The following PAFAH2 variants were observed in gnomAD, a reference collection of about 807,000 sequenced individuals.
The protein encoded by PAFAH2 is platelet-activating factor acetylhydrolase 2, cytoplasmic.
Under a neutral mutation model 49.0 loss-of-function variants are expected in PAFAH2, and 42 were observed. That is an observed-to-expected ratio of 0.86 (90% confidence interval 0.67 to 1.11). The LOEUF (loss-of-function observed/expected upper bound fraction) is 1.11. Ranked by LOEUF, PAFAH2 falls within the 50% of genes least tolerant of loss-of-function variation. The pLI is 0.00. For missense variants in PAFAH2, 503 were observed against 501.8 expected (o/e 1.00, Z -0.02); for synonymous variants, 184 against 181.3 (o/e 1.01, Z -0.12).
At chr1:25,983,616 T>C (rs1047962054) in intron 6 of PAFAH2, among the ~76,000 whole-genome samples, 1 of 150,992 alleles carries the variant, frequency 6.6e-6, no homozygotes, top group African/African-American at 2.4e-5. Context: ...AGTTTGAAGA[T>C]GAGACCCACC....
chr1:25,985,376 T>C (rs1285176010), intron 4 of PAFAH2, among the ~76,000 whole-genome samples: 3 of 152,196 alleles, frequency 2.0e-5, no homozygotes, highest in Non-Finnish European at 4.4e-5. Flanking sequence ...CCATGACCCA[T>C]GGGAAGGATT....
chr1:25,979,251 G>A (rs2049642484), intron 7 of PAFAH2, among the ~76,000 whole-genome samples: 1 of 151,404 alleles, frequency 6.6e-6, no homozygotes, highest in African/African-American at 2.4e-5. Context: ...TTAATATGCT[G>A]TATTTTCCCC....
intron 10 of PAFAH2, chr1:25,964,296 T>C (rs1030291938): frequency 6.6e-6 from 1 of 152,368 alleles, no homozygotes; most frequent in Non-Finnish European, 1.5e-5. Context: ...GCTTTCCATA[T>C]TTTTAAAGAG....
At chr1:25,996,091 C>A (rs1309662454) in intron 1 of PAFAH2, among the ~76,000 whole-genome samples, 1 of 152,118 alleles carries the variant, frequency 6.6e-6, no homozygotes, top group Non-Finnish European at 1.5e-5. Flanking sequence ...CGCAGTGGCT[C>A]ATGCCTATAA....
rs1436695251 is a variant in PAFAH2, at chr1:25,960,068, A to G, written c.*1921T>C. The G allele has an allele frequency of 6.6e-6, 1 of 152,182 alleles. No individual in the cohort carries two copies. The highest frequency in any genetic ancestry group is 2.4e-5 in the African/African-American group (1 of 41,450). 9.4% of individuals were successfully genotyped at this position (152,182 alleles called of 1,614,324 possible). A position where few individuals can be genotyped will look rare whatever the true frequency, so the allele number is the denominator to read the frequency against. ...GAGCTGAGATAAGAAAGAGAATACC[A>G]TTTGCTCAAATTTACCCAGTTGGCA... On this transcript the variant is annotated 3_prime_UTR_variant, in exon 11 of 11. Transcript: ENST00000374282.
At chr1:25,963,384 A>G (rs1031302757) in intron 10 of PAFAH2, among the ~76,000 whole-genome samples, 1 of 152,180 alleles carries the variant, frequency 6.6e-6, no homozygotes, top group African/African-American at 2.4e-5. Flanking sequence ...TAAACATAAT[A>G]ACTATATAGG....
chr1:25,989,258 A>G (rs2049835964), intron 3 of PAFAH2, among the ~76,000 whole-genome samples, 190 bp downstream of exon 3: 1 of 152,172 alleles, frequency 6.6e-6, no homozygotes. Context: ...GAATCCAGGA[A>G]AGTCTAACTC....
chr1:25,984,131 G>C lies in PAFAH2; in HGVS notation c.411-44C>G, dbSNP rs200283284. On this transcript the variant is annotated intron_variant, in intron 5 of 10. Transcript: ENST00000374282. The stretch of plus-strand genomic sequence containing the variant: ...CAGAGAGAAACCAGAAAACATTCTT[G>C]AGTTTATTTTTCCCCTTTACCAAAG... The C allele has an allele frequency of 1.1e-5, 17 of 1,610,496 alleles. No homozygotes were observed. The East Asian group carries it at 3.8e-4, about 36-fold the overall frequency.
intron 2 of PAFAH2, among the ~76,000 whole-genome samples, 178 bp from the exon 3 acceptor site, chr1:25,989,779 T>A (rs2049847147): frequency 6.6e-6 from 1 of 152,218 alleles, no homozygotes. Context: ...GCAATTTGAT[T>A]TTTAGCATAT....
chr1:25,987,712 C>T (rs2049804068), intron 4 of PAFAH2, among the ~76,000 whole-genome samples: 1 of 88,890 alleles, frequency 1.1e-5, no homozygotes, highest in African/African-American at 3.0e-5. Flanking sequence ...AGATCTCGTC[C>T]CTGAAAAAAA....
rs1009585864 is a variant in PAFAH2, at chr1:25,982,465, C to T, written c.565G>A (p.Val189Ile). The T allele has an allele frequency of 6.2e-7, 1 of 1,613,404 alleles. No individual in the cohort carries two copies. ...TTCAACACCCGTAAACACTCGCTTA[C>T]CCGCTGATGCACCTGCAACAGAGAC... ...HVRNPQVHQRVSECLRVLKIL... is the reference protein window; with the variant it reads ...HVRNPQVHQRISECLRVLKIL... Residue 189 changes from valine to isoleucine, a missense_variant, in exon 7 of 11, where the codon GTA (valine) becomes ATA (isoleucine). Val to Ile is a conservative substitution (Grantham distance 29, BLOSUM62 3). Coordinates refer to ENST00000374282, the MANE Select transcript of PAFAH2 (RefSeq NM_000437.4).
chr1:25,984,310 C>T (rs931844909), intron 5 of PAFAH2, 150 bp downstream of exon 5: 8 of 749,448 alleles, frequency 1.1e-5, no homozygotes, highest in Non-Finnish European at 1.8e-5. Flanking sequence ...AATTATTTAA[C>T]ATCTTTAAAC....
intron 1 of PAFAH2, among the ~76,000 whole-genome samples, chr1:25,994,142 C>CT (rs35480896): frequency 0.54 from 73,586 of 135,318 alleles, 21,688 homozygotes; most frequent in East Asian, 0.69. Flanking sequence ...TGGTGCCTAG[C>CT]TTTTTTTTTT....
chr1:25,992,960 A>T (rs1400050258), intron 1 of PAFAH2, among the ~76,000 whole-genome samples: 1 of 152,186 alleles, frequency 6.6e-6, no homozygotes, highest in Non-Finnish European at 1.5e-5. Context: ...TGATGTGCAG[A>T]TGTCACCTGT....
chr1:25,976,373 G>A (rs1011548904), intron 8 of PAFAH2, among the ~76,000 whole-genome samples: 1 of 151,986 alleles, frequency 6.6e-6, no homozygotes, highest in African/African-American at 2.4e-5. Context: ...TCAAACTCCT[G>A]GCTTCAAGCA....
In PAFAH2 at chr1:25,976,678, T is replaced by G; in HGVS notation, c.758+4A>C. On this transcript the variant is annotated splice_donor_region_variant and intron_variant, in intron 8 of 10. Coordinates refer to ENST00000374282, the MANE Select transcript of PAFAH2 (RefSeq NM_000437.4). Reference sequence around the variant, plus strand: ...AAGCACAGCAACACTACTAGGAAACTCACCGAAATTGGGTCTCCTTGGCCA... The same window carrying G: ...AAGCACAGCAACACTACTAGGAAACGCACCGAAATTGGGTCTCCTTGGCCA... 6.2e-7 allele frequency: 1 copy of G among 1,610,158 alleles called. No individual in the cohort carries two copies.
At position 25,972,660 on chromosome 1, in the gene PAFAH2, T is replaced by C; in HGVS notation, c.982A>G (p.Ile328Val). Residue 328 changes from isoleucine (I) to valine (V), a missense_variant, in exon 10 of 11, where the codon ATT (isoleucine) becomes GTT (valine). Transcript: ENST00000374282. ...TDFAFVTGNL[I>V]GKFFSTETRG... ...GTTTCAGTGGAGAAGAATTTACCAA[T>C]CAAGTTGCCAGTCACAAAAGCAAAG... 6.2e-7 allele frequency: 1 copy of C among 1,613,858 alleles called. No homozygotes were observed.
At chr1:25,972,997 G>A (rs1408522715) in intron 9 of PAFAH2, among the ~76,000 whole-genome samples, 1 of 152,192 alleles carries the variant, frequency 6.6e-6, no homozygotes, top group East Asian at 1.9e-4. Flanking sequence ...GCAGTGCAGG[G>A]AAAAGGTTGA....
chr1:25,992,373 C>T (rs894131221), intron 1 of PAFAH2, among the ~76,000 whole-genome samples: 1 of 152,082 alleles, frequency 6.6e-6, no homozygotes, highest in Non-Finnish European at 1.5e-5. Flanking sequence ...ATGATGTGGG[C>T]AGTAGATCAA....
Sources: gnomAD v4.1 joint callset for allele counts (sites outside exome capture counted in the v4.1 genomes callset) on GRCh38, gnomAD v4.1.1 for gene constraint, MANE v1.5 for transcripts, NCBI Gene and HGNC (gene_info 2026-07-23, HGNC 2026-07-21) for gene names.